IRF6: variants seen among roughly 807,000 people sequenced by gnomAD.
The protein encoded by IRF6 is Van der Woude syndrome.
A neutral mutation model predicts 51.4 loss-of-function variants in IRF6; 6 were observed. The observed-to-expected ratio is 0.12, with a 90% CI of 0.06 to 0.23. The LOEUF is 0.23. IRF6 is among the 10% of genes least tolerant of loss of function. The probability of loss-of-function intolerance (pLI) is 1.00; values close to 1 mark genes in which losing one functional copy is unlikely to be tolerated. For missense variants in IRF6, 348 were observed against 585.2 expected (o/e 0.59, Z 4.18); for synonymous variants, 178 against 215.7 (o/e 0.83, Z 1.53).
rs771754234 is a variant in IRF6, at chr1:209,801,433, G to A, written c.-3-17C>T. ...GGCCATGATCTGGGGGGGTCAGAGG[G>A]AGAAATGGGAAGAGCAGAAGAATTA... is the stretch of plus-strand genomic sequence containing the variant. On this transcript the variant is annotated splice_polypyrimidine_tract_variant and intron_variant, in intron 2 of 8. Transcript: ENST00000367021. The A allele has an allele frequency of 1.9e-6, 3 of 1,558,088 alleles. No homozygotes were observed. The South Asian group carries it at 3.6e-5, about 19-fold the overall frequency.
At chr1:209,797,283 T>G (rs1235442375) in intron 3 of IRF6, among the ~76,000 whole-genome samples, 3 of 136,312 alleles carry the variant, frequency 2.2e-5, no homozygotes, top group Non-Finnish European at 4.5e-5. Flanking sequence ...GGCAGGAGAA[T>G]CACTTGAACC....
chr1:209,799,188 C>T (rs1345743379), intron 3 of IRF6, among the ~76,000 whole-genome samples: 1 of 152,106 alleles, frequency 6.6e-6, no homozygotes, highest in Non-Finnish European at 1.5e-5. Flanking sequence ...AGCTGAAGCC[C>T]AGAGAGGTTA....
chr1:209,805,870 T>C (rs990463846), intron 1 of IRF6, 77 bp downstream of exon 1: 1 of 151,900 alleles, frequency 6.6e-6, no homozygotes, highest in Non-Finnish European at 1.5e-5. Context: ...CCCTACAAAC[T>C]CCGGGGATGG....
intron 4 of IRF6, 87 bp from the exon 5 acceptor site, chr1:209,795,505 C>G: frequency 6.3e-7 from 1 of 1,595,740 alleles, no homozygotes; most frequent in Non-Finnish European, 8.5e-7. Context: ...CTAGGGACTG[C>G]TAGCCCAGAG....
chr1:209,803,321 C>T (rs2077955082), intron 1 of IRF6, among the ~76,000 whole-genome samples: 1 of 152,174 alleles, frequency 6.6e-6, no homozygotes, highest in Non-Finnish European at 1.5e-5. Flanking sequence ...CATTGCAATA[C>T]TGGTAAGTGC....
intron 3 of IRF6, among the ~76,000 whole-genome samples, chr1:209,797,540 A>AT (rs1217600380): frequency 6.6e-6 from 1 of 152,154 alleles, no homozygotes; most frequent in East Asian, 1.9e-4. Context: ...CATTAGAAAC[A>AT]TCATGCTGTC....
intron 4 of IRF6, among the ~76,000 whole-genome samples, chr1:209,795,719 C>T (rs2077897207): frequency 2.0e-5 from 3 of 152,184 alleles, no homozygotes; most frequent in South Asian, 2.1e-4. Flanking sequence ...ATGAATTAAA[C>T]GATCAGTCAC....
Position 209,792,400 on chromosome 1 carries a change from C to G in IRF6, c.536G>C (p.Gly179Ala). The change falls in exon 6 of 9, where the codon GGC becomes GCC. Residue 179 changes from glycine to alanine, a missense_variant. Coordinates refer to ENST00000367021, the MANE Select transcript of IRF6 (RefSeq NM_006147.4). ...GCTGCAGTTGCCCACACTGCAATTG[C>G]CCACACTGGCTGGCGCCATGGGAGA... ...NGSPMAPASV[G>A]NCSVGNCSPE... 6.2e-7 allele frequency: 1 copy of G among 1,614,190 alleles called. No individual in the cohort carries two copies. Among genetic ancestry groups the G allele is most frequent in the East Asian group, 2.2e-5 (1 of 44,882 alleles).
At chr1:209,797,831 C>T (rs1388742208) in intron 3 of IRF6, among the ~76,000 whole-genome samples, 2 of 152,164 alleles carry the variant, frequency 1.3e-5, no homozygotes, top group Non-Finnish European at 2.9e-5. Context: ...TCTCTTTGTG[C>T]AGGAGTACAA....
Position 209,796,225 on chromosome 1 carries a change from G to GA in IRF6, c.379+122_379+123insT. 2.5e-6 allele frequency: 2 copies of GA among 799,920 alleles called. No homozygotes were observed. The highest frequency in any genetic ancestry group is 2.0e-6 in the Non-Finnish European group (1 of 499,360). 49.6% of individuals were successfully genotyped at this position (799,920 alleles called of 1,614,324 possible). A position where few individuals can be genotyped will look rare whatever the true frequency, so the allele number is the denominator to read the frequency against. Reference sequence around the variant, plus strand: ...TTTTCTGGGTCCTTCCCAGAGAAAGGCTTTCTTGCTTTATCCATCTTAAAC... The same window carrying GA: ...TTTTCTGGGTCCTTCCCAGAGAAAGGACTTTCTTGCTTTATCCATCTTAAAC... On this transcript the variant is annotated intron_variant, in intron 4 of 8. Coordinates refer to ENST00000367021, the MANE Select transcript of IRF6 (RefSeq NM_006147.4). The surrounding 1 kb of genome is among the most constrained non-coding windows in gnomAD (Gnocchi z 4.5).
intron 7 of IRF6, among the ~76,000 whole-genome samples, 176 bp from the exon 8 acceptor site, chr1:209,789,961 T>A (rs2077859267): frequency 6.6e-6 from 1 of 152,246 alleles, no homozygotes. Flanking sequence ...AATAGCCACA[T>A]ATGGCTTGTG....
Position 209,796,244 on chromosome 1 carries a change from C to T in IRF6, c.379+104G>A. On this transcript the variant is annotated intron_variant, in intron 4 of 8. Transcript: ENST00000367021. This position sits in a 1 kb window ranked among gnomAD's most constrained non-coding sequence, Gnocchi z 4.5. ...AGAAAGGCTTTCTTGCTTTATCCAT[C>T]TTAAACTGTGTAAATCAGGCTGTTT... The T allele has an allele frequency of 1.0e-6, 1 of 978,138 alleles. No homozygotes were observed. The highest frequency in any genetic ancestry group is 1.6e-5 in the African/African-American group (1 of 62,438). 60.6% of individuals were successfully genotyped at this position (978,138 alleles called of 1,614,324 possible). A position where few individuals can be genotyped will look rare whatever the true frequency, so the allele number is the denominator to read the frequency against.
chr1:209,799,337 T>C (rs1401220007), intron 3 of IRF6, among the ~76,000 whole-genome samples: 1 of 152,184 alleles, frequency 6.6e-6, no homozygotes, highest in East Asian at 1.9e-4. Context: ...CCCCACCACT[T>C]ACTGGCTGTG....
At chr1:209,799,978 C>G (rs938118749) in intron 3 of IRF6, among the ~76,000 whole-genome samples, 2 of 152,134 alleles carry the variant, frequency 1.3e-5, no homozygotes, top group Non-Finnish European at 2.9e-5. Flanking sequence ...TCTTTTGAAC[C>G]CTGCGCTTAC....
chr1:209,790,920 C>A lies in IRF6; in HGVS notation c.668-33G>T. 1 of 1,611,788 alleles carries A rather than the reference C, an allele frequency of 6.2e-7. No homozygotes were observed. Among genetic ancestry groups the A allele is most frequent in the Non-Finnish European group, 8.5e-7 (1 of 1,180,028 alleles). On this transcript the variant is annotated intron_variant, in intron 6 of 8. Transcript: ENST00000367021. The surrounding 1 kb of genome is among the most constrained non-coding windows in gnomAD (Gnocchi z 4.8). Reference sequence around the variant, plus strand: ...GTTAGAGATGACAGTGAGAGTCCTGCTTCACTGCTCTGCCTGTTCATCCCT... The same window carrying A: ...GTTAGAGATGACAGTGAGAGTCCTGATTCACTGCTCTGCCTGTTCATCCCT...
chr1:209,792,555 A>G, intron 5 of IRF6, 128 bp from the exon 6 acceptor site: 1 of 931,974 alleles, frequency 1.1e-6, no homozygotes, highest in South Asian at 1.4e-5. Flanking sequence ...GTGATCTTCC[A>G]GCCCATCAGT....
At position 209,797,799 on chromosome 1, in the gene IRF6, C is replaced by G. The variant is rs552502773; in HGVS notation, c.175-1247G>C. On this transcript the variant is annotated intron_variant, in intron 3 of 8. Transcript: ENST00000367021. ...TCTGCAATGGGATAGCCACTCTCCC[C>G]CATTGCTAACAAGTTCTCTGATCTC... Among the ~76,000 whole-genome samples, 51 of 152,284 alleles carry G rather than the reference C, an allele frequency of 3.3e-4. 1 individual carries two copies. In the South Asian group the frequency reaches 0.01, roughly 31 times the overall value.
Position 209,790,433 on chromosome 1 carries a change from A to G in IRF6, c.1060+62T>C, listed in dbSNP as rs1053933746. The G allele has an allele frequency of 1.9e-6, 3 of 1,550,144 alleles. No individual in the cohort carries two copies. The highest frequency in any genetic ancestry group is 2.3e-4 in the Middle Eastern group (1 of 4,428). On this transcript the variant is annotated intron_variant, in intron 7 of 8. Transcript: ENST00000367021. This position sits in a 1 kb window ranked among gnomAD's most constrained non-coding sequence, Gnocchi z 4.8. ...AAGCAGGAAGGTGAAAGACAGGGAT[A>G]GTGGAAGGAATGTACTTCCAGAGAG... is the stretch of plus-strand genomic sequence containing the variant.
rs2077894106 is a variant in IRF6, at chr1:209,795,329, C to T, written c.469G>A (p.Val157Ile). The change falls in exon 5 of 9, where the codon GTT becomes ATT. Residue 157 changes from valine to isoleucine, a missense_variant. Physicochemically the swap from Val to Ile is conservative, Grantham distance 29 (BLOSUM62 3). Coordinates refer to ENST00000367021, the MANE Select transcript of IRF6 (RefSeq NM_006147.4). The part of the protein sequence containing the change: ...EDELDQSQHH[V>I]PIQDTFPFLN... ...AAGGGGAAGGTGTCCTGGATGGGAA[C>T]ATGGTGCTGCGACTGATCCAGCTCA... is the stretch of plus-strand genomic sequence containing the variant. 1.2e-6 allele frequency: 2 copies of T among 1,614,230 alleles called. No homozygotes were observed. Among genetic ancestry groups the T allele is most frequent in the Non-Finnish European group, 1.7e-6 (2 of 1,180,040 alleles).
Sources: gnomAD v4.1 joint callset for allele counts (sites outside exome capture counted in the v4.1 genomes callset) on GRCh38, gnomAD v4.1.1 for gene constraint, Gnocchi (gnomAD v3.1) non-coding constraint, MANE v1.5 for transcripts, NCBI Gene and HGNC (gene_info 2026-07-23, HGNC 2026-07-21) for gene names.